GPHN: variants seen among roughly 807,000 people sequenced by gnomAD.
GPHN encodes the protein gephyrin.
GPHN carries 17 observed loss-of-function variants against 95.5 expected under a neutral mutation model. That is an observed-to-expected ratio of 0.18 (90% CI 0.12 to 0.27). The LOEUF is 0.27. Ranked by LOEUF, GPHN falls within the 10% of genes least tolerant of loss-of-function variation. The pLI, the probability that GPHN is intolerant of heterozygous loss-of-function variation, is 1.00. For synonymous variants in GPHN, 320 were observed against 322.5 expected (o/e 0.99, Z 0.08); for missense variants, 660 against 978.1 (o/e 0.67, Z 4.34).
chr14:66,866,248 A>G (rs2063216996), intron 4 of GPHN, among the ~76,000 whole-genome samples: 3 of 152,188 alleles, frequency 2.0e-5, no homozygotes, highest in African/African-American at 7.2e-5. Context: ...CTTCTGAAGA[A>G]CAGGAATGAG....
At chr14:66,871,139 G>A (rs554310053) in intron 4 of GPHN, among the ~76,000 whole-genome samples, 3 of 152,268 alleles carry the variant, frequency 2.0e-5, no homozygotes, top group Non-Finnish European at 4.4e-5. Context: ...GCTCTCTGAG[G>A]TTTGTTCTAC....
At chr14:67,733,135 A>T in the GPHN span, among the ~76,000 whole-genome samples, 2 of 37,296 alleles carry the variant, frequency 5.4e-5, no homozygotes, top group Non-Finnish European at 2.1e-4. Flanking sequence ...AATAAAATTA[A>T]AAAAAACAAA....
At chr14:67,265,048 A>G in the GPHN span, among the ~76,000 whole-genome samples, 1 of 152,166 alleles carries the variant, frequency 6.6e-6, no homozygotes. Flanking sequence ...AGATTTTTTA[A>G]ATTGGGATTT....
chr14:66,590,349 C>CA (rs1235076290), intron 1 of GPHN, among the ~76,000 whole-genome samples: 8 of 151,972 alleles, frequency 5.3e-5, no homozygotes, highest in Admixed American at 2.0e-4. Flanking sequence ...AAAATCCCTT[C>CA]AAAAAATCAA....
At chr14:66,860,251 C>T (rs543180934) in intron 4 of GPHN, among the ~76,000 whole-genome samples, 40 of 152,178 alleles carry the variant, frequency 2.6e-4, no homozygotes, top group Middle Eastern at 6.8e-3. Flanking sequence ...TGACATACAA[C>T]GGAGCTCTAC....
the GPHN span, among the ~76,000 whole-genome samples, chr14:67,344,026 T>C: frequency 6.6e-6 from 1 of 152,194 alleles, no homozygotes; most frequent in African/African-American, 2.4e-5. Flanking sequence ...AGTAAGGAAA[T>C]CTTAAGTTTC....
chr14:67,285,066 T>C, the GPHN span, among the ~76,000 whole-genome samples: 14 of 152,286 alleles, frequency 9.2e-5, 1 homozygote, highest in South Asian at 2.7e-3. Context: ...CAGGTAGATG[T>C]ACTGGAAACT....
chr14:67,726,165 T>G, the GPHN span: 1 of 1,520,324 alleles, frequency 6.6e-7, no homozygotes. Context: ...GGTAAGTATC[T>G]TTGGGTGACT....
the GPHN span, chr14:67,648,323 T>C: frequency 2.2e-5 from 20 of 916,500 alleles, no homozygotes; most frequent in South Asian, 4.0e-5. Flanking sequence ...AAAAATTATA[T>C]GGCCATGCTA....
chr14:67,356,116 G>A, the GPHN span, among the ~76,000 whole-genome samples: 9 of 151,900 alleles, frequency 5.9e-5, no homozygotes, highest in Non-Finnish European at 1.2e-4. Context: ...TTTTAAAATC[G>A]CATGTACTAA....
chr14:66,918,080 A>G (rs1273702542), intron 6 of GPHN, among the ~76,000 whole-genome samples: 1 of 152,238 alleles, frequency 6.6e-6, no homozygotes, highest in Non-Finnish European at 1.5e-5. Context: ...ACTAGCATTC[A>G]TGGAACTCAC....
At chr14:67,575,707 T>A in the GPHN span, 1 of 810,192 alleles carries the variant, frequency 1.2e-6, no homozygotes, top group Non-Finnish European at 2.0e-6. Flanking sequence ...CACCTCCCCA[T>A]CCTGTCATCG....
chr14:66,722,541 T>A (rs2070858609), intron 2 of GPHN, among the ~76,000 whole-genome samples: 1 of 152,116 alleles, frequency 6.6e-6, no homozygotes, highest in Non-Finnish European at 1.5e-5. Flanking sequence ...ACTCCTGGGC[T>A]CAAGTGATCC....
At chr14:67,017,717 A>T (rs1205647243) in intron 9 of GPHN, among the ~76,000 whole-genome samples, 1 of 152,090 alleles carries the variant, frequency 6.6e-6, no homozygotes, top group Non-Finnish European at 1.5e-5. Context: ...AAATGTCACT[A>T]TTTGATTAAC....
chr14:67,071,579 A>T (rs910486624), intron 11 of GPHN, among the ~76,000 whole-genome samples: 7 of 152,020 alleles, frequency 4.6e-5, no homozygotes, highest in Admixed American at 6.5e-5. Flanking sequence ...ACATGTATAC[A>T]TACATACCAA....
chr14:66,520,051 T>G (rs2058412697), intron 1 of GPHN, among the ~76,000 whole-genome samples: 1 of 152,198 alleles, frequency 6.6e-6, no homozygotes, highest in Non-Finnish European at 1.5e-5. Context: ...TCTTCAAAGA[T>G]GTTCATATAC....
At chr14:67,057,408 G>GGC (rs1245019005) in intron 10 of GPHN, among the ~76,000 whole-genome samples, 4 of 104,578 alleles carry the variant, frequency 3.8e-5, no homozygotes, top group Non-Finnish European at 4.8e-5. Context: ...ATGGGCACAT[G>GGC]GGTGGGGGGG....
At chr14:67,473,321 AGCAGGGCTTTTGCT>A in the GPHN span, 1 of 1,506,326 alleles carries the variant, frequency 6.6e-7, no homozygotes, top group South Asian at 1.3e-5. The surrounding 1 kb of genome is among the most constrained non-coding windows in gnomAD (Gnocchi z 6.5). Context: ...GCTTGGCCGG[AGCAGGGCTTTTGCT>A]GCATGGATGG....
At chr14:67,604,006 T>G in the GPHN span, among the ~76,000 whole-genome samples, 1,410 of 152,156 alleles carry the variant, frequency 9.3e-3, 78 homozygotes, top group East Asian at 0.12. Context: ...GTTTTTGTTT[T>G]TTTTTTGAGA....
Sources: allele counts gnomAD v4.1 joint callset (sites outside exome capture counted in the v4.1 genomes callset), GRCh38; gene constraint gnomAD v4.1.1; non-coding constraint Gnocchi (gnomAD v3.1); transcripts MANE v1.5; gene names NCBI Gene and HGNC (gene_info 2026-07-23, HGNC 2026-07-21).